SSH2: variants seen among roughly 807,000 people sequenced by gnomAD.
SSH2 encodes the protein protein phosphatase Slingshot homolog 2.
In SSH2, 37 loss-of-function variants were observed where a neutral mutation model predicts 135.2. The observed-to-expected ratio is 0.27, with a 90% CI of 0.21 to 0.36. SSH2 has a LOEUF of 0.36. Among genes scored for constraint, SSH2 ranks in the 10% least tolerant of loss-of-function variants. The pLI, the probability that SSH2 is intolerant of heterozygous loss-of-function variation, is 1.00. For missense variants in SSH2, 1,408 were observed against 1,765.3 expected (o/e 0.80, Z 3.63); for synonymous variants, 628 against 646.2 (o/e 0.97, Z 0.43).
intron 1 of SSH2, among the ~76,000 whole-genome samples, chr17:29,926,170 A>G (rs1199554941): frequency 3.9e-5 from 6 of 152,050 alleles, no homozygotes; most frequent in African/African-American, 1.4e-4. Flanking sequence ...GGCTTCTAGA[A>G]CAGCCTCTCA....
chr17:29,794,084 A>T (rs1013859604), intron 2 of SSH2, 147 bp from the exon 3 acceptor site: 16 of 652,682 alleles, frequency 2.5e-5, no homozygotes, highest in Non-Finnish European at 5.2e-6. Context: ...CTTCAAAAAA[A>T]GTGACTTCAA....
intron 2 of SSH2, among the ~76,000 whole-genome samples, chr17:29,832,725 C>G (rs1317706707): frequency 6.6e-6 from 1 of 152,144 alleles, no homozygotes; most frequent in Non-Finnish European, 1.5e-5. Context: ...GGCTGGAGTA[C>G]AGTGGCATGA....
At chr17:29,817,783 G>T (rs997693598) in intron 2 of SSH2, among the ~76,000 whole-genome samples, 1 of 152,056 alleles carries the variant, frequency 6.6e-6, no homozygotes, top group African/African-American at 2.4e-5. Context: ...TTGAGTAGGG[G>T]TCTCGTTCTT....
intron 5 of SSH2, among the ~76,000 whole-genome samples, chr17:29,692,168 A>T (rs1239180206): frequency 6.8e-5 from 2 of 29,436 alleles, no homozygotes; most frequent in African/African-American, 1.7e-4. Flanking sequence ...ATAAAAAATA[A>T]AAAAAAAAAA....
intron 3 of SSH2, among the ~76,000 whole-genome samples, chr17:29,728,582 A>C (rs2040078399): frequency 6.6e-6 from 1 of 152,192 alleles, no homozygotes; most frequent in Admixed American, 6.5e-5. Flanking sequence ...ACATACCCAG[A>C]ATAGCCAAAA....
chr17:29,644,330 G>A (rs2150988082), intron 14 of SSH2, among the ~76,000 whole-genome samples: 1 of 152,324 alleles, frequency 6.6e-6, no homozygotes, highest in East Asian at 1.9e-4. Flanking sequence ...CAGGCTAGCT[G>A]TGTCCCTCTG....
At chr17:29,852,108 C>T (rs1015403726) in intron 1 of SSH2, among the ~76,000 whole-genome samples, 2 of 151,776 alleles carry the variant, frequency 1.3e-5, no homozygotes, top group Non-Finnish European at 2.9e-5. Flanking sequence ...ATGGTGAAAA[C>T]CCGTCTCTAC....
chr17:29,708,511 A>T (rs1471250515), intron 3 of SSH2, among the ~76,000 whole-genome samples: 2 of 151,284 alleles, frequency 1.3e-5, no homozygotes, highest in Non-Finnish European at 2.9e-5. Context: ...AATCACTGGA[A>T]CCTGGGAGGC....
At chr17:29,655,459 T>C (rs963867019) in intron 12 of SSH2, 102 bp downstream of exon 12, 1 of 1,099,388 alleles carries the variant, frequency 9.1e-7, no homozygotes, top group Non-Finnish European at 1.4e-6. Flanking sequence ...GATGCAACTC[T>C]TAAGATTAAA....
intron 5 of SSH2, among the ~76,000 whole-genome samples, chr17:29,685,962 C>T (rs973877485): frequency 6.6e-6 from 1 of 151,194 alleles, no homozygotes; most frequent in South Asian, 2.1e-4. Context: ...GATTCTCCTG[C>T]CTCAGCCTCC....
At chr17:29,687,667 A>G (rs1267790770) in intron 5 of SSH2, among the ~76,000 whole-genome samples, 1 of 152,160 alleles carries the variant, frequency 6.6e-6, no homozygotes, top group East Asian at 1.9e-4. Context: ...GGTAAACTGG[A>G]TTTTCTTATA....
intron 3 of SSH2, among the ~76,000 whole-genome samples, chr17:29,750,277 C>G (rs979006667): frequency 6.7e-6 from 1 of 150,104 alleles, no homozygotes; most frequent in Non-Finnish European, 1.5e-5. Context: ...ATCTCTACCA[C>G]AAAATATACA....
intron 12 of SSH2, among the ~76,000 whole-genome samples, chr17:29,654,745 G>A (rs2036714694): frequency 6.6e-6 from 1 of 152,196 alleles, no homozygotes; most frequent in African/African-American, 2.4e-5. Flanking sequence ...TAATAACCAT[G>A]CTGCTTAGGG....
rs1303479847 is a variant in SSH2, at chr17:29,636,564, A to G, written c.1666T>C (p.Cys556Arg). 6.2e-7 allele frequency: 1 copy of G among 1,614,208 alleles called. No individual in the cohort carries two copies. Among genetic ancestry groups the G allele is most frequent in the Admixed American group, 1.7e-5 (1 of 60,016 alleles). The change falls in exon 15 of 16, where the codon TGC becomes CGC. Residue 556 changes from cysteine (C) to arginine (R), a missense_variant. Around this residue, in one of 3 missense-constraint regions of SSH2, gnomAD observed 1,080 missense variants for 1,144.5 expected, o/e 0.94. Transcript: ENST00000540801. The stretch of plus-strand genomic sequence containing the variant: ...AATTCCCTAGAAGTAAACTCCAAGC[A>G]GATCATTCTTTCTTTGGTACACAGG... ...KGLCTKERMI[C>R]LEFTSREFHA...
At chr17:29,702,895 A>T in intron 4 of SSH2, 64 bp downstream of exon 4, 1 of 1,236,760 alleles carries the variant, frequency 8.1e-7, no homozygotes, top group East Asian at 2.3e-5. Context: ...GAGGTAGTCA[A>T]CCTTTTAGAA....
intron 1 of SSH2, among the ~76,000 whole-genome samples, chr17:29,873,265 A>C (rs906890202): frequency 6.6e-6 from 1 of 152,084 alleles, no homozygotes; most frequent in African/African-American, 2.4e-5. Flanking sequence ...TCTAGCTCAA[A>C]AATCTCCAAA....
chr17:29,845,393 A>AG (rs569471046), intron 2 of SSH2, among the ~76,000 whole-genome samples: 1 of 152,142 alleles, frequency 6.6e-6, no homozygotes, highest in Admixed American at 6.5e-5. Flanking sequence ...AAGTGAGAAA[A>AG]GGGGGAAAAA....
Position 29,750,925 on chromosome 17 carries a change from C to T in SSH2, c.188+42969G>A, listed in dbSNP as rs151163053. On this transcript the variant is annotated intron_variant, in intron 3 of 15. Transcript: ENST00000540801. ...TTTTTGTTAAAGACACAAACACACACGCTAGCTTAGGCCTAAAGAGTCAGG... is the reference window on the plus strand; with the variant it reads ...TTTTTGTTAAAGACACAAACACACATGCTAGCTTAGGCCTAAAGAGTCAGG... Among the ~76,000 whole-genome samples the T allele has an allele frequency of 5.3e-5, 8 of 151,582 alleles. No individual in the cohort carries two copies. In the East Asian group the frequency reaches 5.8e-4, roughly 11 times the overall value.
At chr17:29,728,305 C>T (rs890367867) in intron 3 of SSH2, among the ~76,000 whole-genome samples, 25 of 152,164 alleles carry the variant, frequency 1.6e-4, no homozygotes, top group Admixed American at 1.5e-3. Flanking sequence ...ATACCATTTA[C>T]AGTAGTCACA....
Sources: gnomAD v4.1 joint callset for allele counts (sites outside exome capture counted in the v4.1 genomes callset) on GRCh38, gnomAD v4.1.1 for gene constraint, gnomAD v4.1.1 regional missense constraint, MANE v1.5 for transcripts, NCBI Gene and HGNC (gene_info 2026-07-23, HGNC 2026-07-21) for gene names.